WNT9B: variants seen among roughly 807,000 people sequenced by gnomAD.
WNT9B encodes the protein Wnt family member 9B, also known as protein Wnt-9b.
In WNT9B, 12 loss-of-function variants were observed where a neutral mutation model predicts 30.2. That is an observed-to-expected ratio of 0.40 (90% CI 0.26 to 0.64). The LOEUF (loss-of-function observed/expected upper bound fraction) is 0.64. Among genes scored for constraint, WNT9B ranks in the 30% least tolerant of loss-of-function variants. The pLI, the probability that WNT9B is intolerant of heterozygous loss-of-function variation, is 0.42. For missense variants in WNT9B, 442 were observed against 485.2 expected (o/e 0.91, Z 0.84); for synonymous variants, 218 against 216.9 (o/e 1.01, Z -0.05).
At chr17:46,886,418 C>G (rs1315833607) in exon 5 of WNT9B, 2 of 152,050 alleles carry the variant, frequency 1.3e-5, no homozygotes, top group Non-Finnish European at 2.9e-5. Context: ...TGTAATGGAC[C>G]CAACAGACCA....
At chr17:46,871,753 A>G (rs2085247916) in intron 1 of WNT9B, among the ~76,000 whole-genome samples, 1 of 152,198 alleles carries the variant, frequency 6.6e-6, no homozygotes, top group Non-Finnish European at 1.5e-5. Context: ...TCAATCTAGG[A>G]GAACAAGAAG....
chr17:46,883,281 C>CT (rs75762235), downstream of WNT9B, among the ~76,000 whole-genome samples: 185 of 142,566 alleles, frequency 1.3e-3, 1 homozygote, highest in East Asian at 2.4e-3. Flanking sequence ...TGCGCCCGGC[C>CT]TTTTTTTTTT....
intron 1 of WNT9B, among the ~76,000 whole-genome samples, chr17:46,839,023 G>A (rs1323722040): frequency 2.6e-5 from 4 of 151,782 alleles, no homozygotes; most frequent in Non-Finnish European, 4.4e-5. Context: ...GATTACAGGC[G>A]CCCGCCACCA....
downstream of WNT9B, chr17:46,885,302 G>A: frequency 8.7e-6 from 2 of 230,364 alleles, 1 homozygote; most frequent in South Asian, 8.4e-5. Context: ...CACTGCGCCT[G>A]GCCAGCATTT....
At chr17:46,841,951 C>T (rs2084720023) in intron 1 of WNT9B, among the ~76,000 whole-genome samples, 2 of 152,228 alleles carry the variant, frequency 1.3e-5, no homozygotes, top group African/African-American at 2.4e-5. Context: ...GAGCGTCCTC[C>T]AGCGTCCGCG....
rs943831062 is a variant in WNT9B, at chr17:46,877,152, A to C, written c.*434A>C. The C allele has an allele frequency of 1.1e-5, 10 of 934,618 alleles. No homozygotes were observed. The African/African-American group carries it at 1.8e-4, about 17-fold the overall frequency. The allele number at this position is 934,618 out of a possible 1,614,324, so 57.9% of individuals were successfully genotyped here. Reference sequence around the variant, plus strand: ...GCCAAGGCAGGCAGTGCCAGCTGGAAGTGAAGGCGGGAGCCTGGCTGAGAT... The same window carrying C: ...GCCAAGGCAGGCAGTGCCAGCTGGACGTGAAGGCGGGAGCCTGGCTGAGAT... On this transcript the variant is annotated 3_prime_UTR_variant, in exon 4 of 4. Transcript: ENST00000290015.
intron 1 of WNT9B, among the ~76,000 whole-genome samples, chr17:46,872,157 G>C (rs1398717075): frequency 6.6e-6 from 1 of 152,212 alleles, no homozygotes; most frequent in Non-Finnish European, 1.5e-5. Flanking sequence ...TAAATGTACA[G>C]ATTCCCAGGC....
intron 1 of WNT9B, among the ~76,000 whole-genome samples, chr17:46,854,288 C>T (rs765644653): frequency 6.6e-6 from 1 of 152,230 alleles, no homozygotes; most frequent in Non-Finnish European, 1.5e-5. Flanking sequence ...CAGTCATCTA[C>T]ACTGTAGTGG....
downstream of WNT9B, among the ~76,000 whole-genome samples, chr17:46,881,787 T>C (rs929252954): frequency 6.6e-6 from 1 of 152,230 alleles, no homozygotes; most frequent in Non-Finnish European, 1.5e-5. Context: ...TGTCTTTGCA[T>C]TTGCAATATC....
In WNT9B at chr17:46,878,422, G is replaced by A. The variant is rs1003322321; in HGVS notation, c.*1704G>A. Among the ~76,000 whole-genome samples the A allele has an allele frequency of 6.6e-6, 1 of 152,240 alleles. No homozygotes were observed. Among genetic ancestry groups the A allele is most frequent in the Non-Finnish European group, 1.5e-5 (1 of 68,036 alleles). On this transcript the variant is annotated 3_prime_UTR_variant, in exon 4 of 4. Transcript: ENST00000290015. ...GCTGCCCAGTCTCCAGTGGATCAGG[G>A]CAGTCTGCTGGATGCTGGAAGGATT...
Position 46,857,163 on chromosome 17 carries a change from C to T in WNT9B, c.77+5448C>T, listed in dbSNP as rs116298756. On this transcript the variant is annotated intron_variant, in intron 1 of 3. Transcript: ENST00000290015. ...CCACAAATTATTTATCCATTCCCCA[C>T]TTGATAGACATTTGGGTTATTTTGG... Among the ~76,000 whole-genome samples the T allele has an allele frequency of 4.5e-3, 691 of 152,202 alleles. 10 individuals carry two copies. Among genetic ancestry groups the T allele is most frequent in the African/African-American group, 0.016 (662 of 41,514 alleles).
chr17:46,839,948 C>CTT (rs1176757215), intron 1 of WNT9B, among the ~76,000 whole-genome samples: 1 of 148,716 alleles, frequency 6.7e-6, no homozygotes, highest in Non-Finnish European at 1.5e-5. Context: ...TTCTTTCTTT[C>CTT]TTTCTTTCTT....
At chr17:46,870,586 G>A (rs2085224252) in intron 1 of WNT9B, among the ~76,000 whole-genome samples, 1 of 151,970 alleles carries the variant, frequency 6.6e-6, no homozygotes, top group African/African-American at 2.4e-5. Context: ...GCTCCATGAT[G>A]GGTTGACTGC....
intron 1 of WNT9B, among the ~76,000 whole-genome samples, chr17:46,846,505 C>A (rs535087663): frequency 6.6e-6 from 1 of 152,154 alleles, no homozygotes; most frequent in African/African-American, 2.4e-5. Flanking sequence ...GGCACTGGCA[C>A]AAAGTACAGT....
At chr17:46,846,198 G>A (rs1020616462) in intron 1 of WNT9B, among the ~76,000 whole-genome samples, 1 of 152,218 alleles carries the variant, frequency 6.6e-6, no homozygotes, top group East Asian at 1.9e-4. Flanking sequence ...AACCGTTTCA[G>A]TACAGATGGC....
chr17:46,883,173 G>A (rs55821904), downstream of WNT9B, among the ~76,000 whole-genome samples: 44,803 of 151,584 alleles, frequency 0.3, 6,651 homozygotes, highest in Middle Eastern at 0.33. Context: ...TAGTAGAGAC[G>A]GGGTTTCACC....
intron 1 of WNT9B, among the ~76,000 whole-genome samples, chr17:46,836,853 A>G (rs2084637970): frequency 6.6e-6 from 1 of 152,260 alleles, no homozygotes. Flanking sequence ...ATGTGTGAAT[A>G]AAGAATTTGG....
In WNT9B at chr17:46,851,731, GCCCCCCGCCCGCT is replaced by G; in HGVS notation, c.77+21_77+33del. On this transcript the variant is annotated intron_variant, in intron 1 of 3. Transcript: ENST00000290015. The surrounding 1 kb of genome is among the most constrained non-coding windows in gnomAD (Gnocchi z 4.3). ...CCTACTTCGGGTCAGTGCCCGCCGC[GCCCCCCGCCCGCT>G]CCCCGGCCTGCCTGTCTCTCCCTCC... 1 of 1,248,746 alleles carries G rather than the reference GCCCCCCGCCCGCT, an allele frequency of 8.0e-7. No individual in the cohort carries two copies. Among genetic ancestry groups the G allele is most frequent in the South Asian group, 3.0e-5 (1 of 32,874 alleles). 77.4% of individuals were successfully genotyped at this position (1,248,746 alleles called of 1,614,324 possible). A position where few individuals can be genotyped will look rare whatever the true frequency, so the allele number is the denominator to read the frequency against.
intron 1 of WNT9B, among the ~76,000 whole-genome samples, chr17:46,834,651 C>T (rs536481780): frequency 6.8e-4 from 104 of 152,254 alleles, no homozygotes; most frequent in African/African-American, 2.4e-3. Flanking sequence ...GTCCTTCTCG[C>T]CTGCCTCCTC....
Sources: gnomAD v4.1 joint callset for allele counts (sites outside exome capture counted in the v4.1 genomes callset) on GRCh38, gnomAD v4.1.1 for gene constraint, Gnocchi (gnomAD v3.1) non-coding constraint, MANE v1.5 for transcripts, NCBI Gene and HGNC (gene_info 2026-07-23, HGNC 2026-07-21) for gene names.